KLHDC1: variants seen among roughly 807,000 people sequenced by gnomAD.
KLHDC1 encodes the protein kelch domain containing 1.
Under a neutral mutation model 68.3 loss-of-function variants are expected in KLHDC1, and 53 were observed. The ratio of observed to expected loss-of-function variants is 0.78; its 90% confidence interval spans 0.62 to 0.98. The LOEUF (loss-of-function observed/expected upper bound fraction) is 0.98, where lower values mean the gene tolerates loss of function less well. KLHDC1 is among the 50% of genes least tolerant of loss of function. The pLI is 0.00. For synonymous variants in KLHDC1, 148 were observed against 159.0 expected, an observed-to-expected ratio of 0.93 and a Z score of 0.52; for missense variants, 470 against 492.3, an observed-to-expected ratio of 0.95 and a Z score of 0.43.
chr14:49,721,790 T>C (rs890079445), intron 4 of KLHDC1, among the ~76,000 whole-genome samples: 2 of 152,162 alleles, frequency 1.3e-5, no homozygotes, highest in African/African-American at 2.4e-5. Context: ...GTCCAGTTGG[T>C]AGGTCATTGG....
intron 1 of KLHDC1, among the ~76,000 whole-genome samples, chr14:49,702,827 G>A (rs751740538): frequency 5.3e-5 from 8 of 152,148 alleles, no homozygotes; most frequent in Non-Finnish European, 1.0e-4. Flanking sequence ...TCGGAATAAA[G>A]ATATAAAAAA....
intron 12 of KLHDC1, among the ~76,000 whole-genome samples, chr14:49,747,049 C>T (rs1023510903): frequency 6.6e-6 from 1 of 151,808 alleles, no homozygotes; most frequent in Non-Finnish European, 1.5e-5. Flanking sequence ...CGGGTTCACG[C>T]CATTCTCCTG....
chr14:49,730,649 G>T (rs149649804), intron 8 of KLHDC1, among the ~76,000 whole-genome samples: 255 of 152,242 alleles, frequency 1.7e-3, no homozygotes, highest in Admixed American at 4.5e-3. Flanking sequence ...ACTCACAGAA[G>T]AAATAATAGG....
intron 10 of KLHDC1, among the ~76,000 whole-genome samples, chr14:49,736,452 C>G (rs938376552): frequency 2.0e-5 from 3 of 152,026 alleles, no homozygotes; most frequent in Non-Finnish European, 2.9e-5. Flanking sequence ...GCCAGAGTTT[C>G]CCTAAGGCAG....
intron 12 of KLHDC1, 38 bp from the exon 13 acceptor site, chr14:49,751,548 G>T: frequency 1.0e-6 from 1 of 993,614 alleles, no homozygotes; most frequent in South Asian, 2.4e-5. Context: ...TATAACCTCA[G>T]GTTCAAGACT....
intron 8 of KLHDC1, among the ~76,000 whole-genome samples, chr14:49,730,437 G>A (rs1284154337): frequency 1.3e-5 from 2 of 152,084 alleles, no homozygotes; most frequent in African/African-American, 4.8e-5. Context: ...GGCCAGGATG[G>A]TCTCGATCTC....
chr14:49,721,917 T>A (rs1888535587), intron 4 of KLHDC1, among the ~76,000 whole-genome samples: 1 of 152,062 alleles, frequency 6.6e-6, no homozygotes, highest in South Asian at 2.1e-4. Context: ...CTCTATAGGG[T>A]GTAAATATTT....
At chr14:49,701,615 C>T (rs907590225) in intron 1 of KLHDC1, among the ~76,000 whole-genome samples, 5 of 151,792 alleles carry the variant, frequency 3.3e-5, no homozygotes, top group African/African-American at 7.3e-5. Context: ...GCCGAGATTG[C>T]GCCATTGCAC....
chr14:49,704,853 A>G (rs1888006374), intron 1 of KLHDC1, among the ~76,000 whole-genome samples: 1 of 152,190 alleles, frequency 6.6e-6, no homozygotes, highest in Non-Finnish European at 1.5e-5. Context: ...TCACTCAATC[A>G]ATAAATATTT....
At chr14:49,712,510 T>C (rs1485144624) in intron 4 of KLHDC1, among the ~76,000 whole-genome samples, 1 of 151,462 alleles carries the variant, frequency 6.6e-6, no homozygotes, top group South Asian at 2.1e-4. Context: ...TTCTTTTTTT[T>C]TTTTTTTTTG....
intron 1 of KLHDC1, among the ~76,000 whole-genome samples, chr14:49,705,297 C>T (rs1888017853): frequency 6.7e-6 from 1 of 148,396 alleles, no homozygotes; most frequent in African/African-American, 2.5e-5. Flanking sequence ...ATGCTAAAAG[C>T]AATAGGGAGC....
intron 10 of KLHDC1, among the ~76,000 whole-genome samples, chr14:49,738,702 C>T (rs1280451781): frequency 6.6e-6 from 1 of 152,102 alleles, no homozygotes; most frequent in Non-Finnish European, 1.5e-5. Context: ...GTACAGAACA[C>T]CACATGAGGC....
chr14:49,731,381 G>A (rs1888804804), intron 8 of KLHDC1, among the ~76,000 whole-genome samples: 1 of 152,156 alleles, frequency 6.6e-6, no homozygotes, highest in East Asian at 1.9e-4. Flanking sequence ...TGTTATTCTG[G>A]AACATTCCAG....
chr14:49,708,656 T>C (rs1261400942), intron 1 of KLHDC1: 1 of 152,870 alleles, frequency 6.5e-6, no homozygotes, highest in Admixed American at 6.5e-5. Context: ...CAACTAATAC[T>C]ATGCCTTGCA....
rs1389660084 is a variant in KLHDC1, at chr14:49,752,313, C to G, written c.*541C>G. 2 of 152,396 alleles carry G rather than the reference C, an allele frequency of 1.3e-5. No homozygotes were observed. The highest frequency in any genetic ancestry group is 2.9e-5 in the Non-Finnish European group (2 of 67,912). 9.4% of individuals were successfully genotyped at this position (152,396 alleles called of 1,614,324 possible). ...AACTCCTGACCTTTTCGACACTTAC[C>G]TAGTAAAGTATTCTTAGGCATCATC... On this transcript the variant is annotated 3_prime_UTR_variant, in exon 13 of 13. Transcript: ENST00000359332.
At chr14:49,732,460 A>G (rs1228980073) in intron 8 of KLHDC1, among the ~76,000 whole-genome samples, 1 of 152,198 alleles carries the variant, frequency 6.6e-6, no homozygotes, top group Non-Finnish European at 1.5e-5. Context: ...GGCATGAGCC[A>G]CCGCGTCGGC....
At chr14:49,707,504 C>T (rs564310194) in intron 1 of KLHDC1, among the ~76,000 whole-genome samples, 23 of 151,012 alleles carry the variant, frequency 1.5e-4, no homozygotes, top group African/African-American at 5.1e-4. Flanking sequence ...TGCACCACCA[C>T]GCCCAGCTAA....
At chr14:49,733,919 C>G (rs1278639674) in intron 9 of KLHDC1, among the ~76,000 whole-genome samples, 1 of 152,114 alleles carries the variant, frequency 6.6e-6, no homozygotes, top group Non-Finnish European at 1.5e-5. Context: ...ACAACAGTTC[C>G]TAGTAGGAGA....
At position 49,725,687 on chromosome 14, in the gene KLHDC1, A is replaced by G. The variant is rs1566610505; in HGVS notation, c.485A>G (p.Glu162Gly). ...DCFDVHDASWEEQIFWGWHND... is the reference protein window; with the variant it reads ...DCFDVHDASWGEQIFWGWHND... The stretch of plus-strand genomic sequence containing the variant: ...ATATTTAAAACATTTCTCTTTTAGG[A>G]AGAGCAGATATTCTGGGGATGGCAT... The change falls in exon 6 of 13, where the codon GAA (glutamate) becomes GGA (glycine). Residue 162 changes from glutamate (E) to glycine (G), a missense_variant and splice_region_variant. Coordinates refer to ENST00000359332, the MANE Select transcript of KLHDC1 (RefSeq NM_172193.3). 3 of 1,478,396 alleles carry G rather than the reference A, an allele frequency of 2.0e-6. No individual in the cohort carries two copies. The highest frequency in any genetic ancestry group is 2.8e-6 in the Non-Finnish European group (3 of 1,074,426). The allele number at this position is 1,478,396 out of a possible 1,614,324, so 91.6% of individuals were successfully genotyped here.
Sources: gnomAD v4.1 joint callset for allele counts (sites outside exome capture counted in the v4.1 genomes callset) on GRCh38, gnomAD v4.1.1 for gene constraint, MANE v1.5 for transcripts, NCBI Gene and HGNC (gene_info 2026-07-23, HGNC 2026-07-21) for gene names.